The following SFRP1 variants were observed in gnomAD, a reference collection of about 807,000 sequenced individuals.
SFRP1 encodes secreted frizzled related protein 1, also known as secreted frizzled-related protein 1.
In SFRP1, 9 loss-of-function variants were observed where a neutral mutation model predicts 25.9. The observed-to-expected ratio is 0.35, with a 90% CI of 0.21 to 0.61. The LOEUF (loss-of-function observed/expected upper bound fraction) is 0.61, where lower values mean the gene tolerates loss of function less well. Ranked by LOEUF, SFRP1 falls within the 20% of genes least tolerant of loss-of-function variation. The pLI is 0.78. For synonymous variants in SFRP1, 178 were observed against 174.0 expected, an observed-to-expected ratio of 1.02 and a Z score of -0.18; for missense variants, 346 against 418.2, an observed-to-expected ratio of 0.83 and a Z score of 1.51.
At chr8:41,297,637 T>G (rs750208722) in intron 2 of SFRP1, among the ~76,000 whole-genome samples, 15 of 152,072 alleles carry the variant, frequency 9.9e-5, no homozygotes, top group Non-Finnish European at 1.5e-4. Context: ...ACGTAGGAAT[T>G]CTCATCCATA....
In SFRP1 at chr8:41,264,822, C is replaced by T. The variant is rs563858383; in HGVS notation, c.*345G>A. 2.2e-5 allele frequency: 5 copies of T among 232,332 alleles called. No homozygotes were observed. In the Admixed American group the frequency reaches 2.6e-4, roughly 12 times the overall value. 14.4% of individuals were successfully genotyped at this position (232,332 alleles called of 1,614,324 possible). On this transcript the variant is annotated 3_prime_UTR_variant, in exon 3 of 3. Coordinates refer to ENST00000220772, the MANE Select transcript of SFRP1 (RefSeq NM_003012.5). Reference sequence around the variant, plus strand: ...TGCAAAATGTAGTTTTTGCTGCTGGCTCTCACTTTCCGCCCAATCCCCCTT... The same window carrying T: ...TGCAAAATGTAGTTTTTGCTGCTGGTTCTCACTTTCCGCCCAATCCCCCTT...
chr8:41,283,027 C>T (rs567633740), intron 2 of SFRP1, among the ~76,000 whole-genome samples: 7 of 152,308 alleles, frequency 4.6e-5, no homozygotes, highest in African/African-American at 7.2e-5. Flanking sequence ...AAGATTCCAA[C>T]GTATCTCACA....
chr8:41,306,588 TG>T, intron 1 of SFRP1: 1 of 1,028,830 alleles, frequency 9.7e-7, no homozygotes, highest in Non-Finnish European at 1.4e-6. Context: ...CTGGGGAGGG[TG>T]GTGTGCCATC....
At chr8:41,296,804 A>G (rs988836973) in intron 2 of SFRP1, among the ~76,000 whole-genome samples, 19 of 152,148 alleles carry the variant, frequency 1.2e-4, no homozygotes, top group Non-Finnish European at 2.9e-5. Context: ...AGTGTTTCTA[A>G]AAAACACACA....
intron 2 of SFRP1, among the ~76,000 whole-genome samples, chr8:41,266,097 C>T (rs1050927138): frequency 3.0e-4 from 46 of 151,770 alleles, no homozygotes; most frequent in East Asian, 3.9e-4. Context: ...ACCTGGGAGG[C>T]GGAGGTTGCA....
chr8:41,265,112 T>TCCCCCCCCCACCCCC lies in SFRP1; in HGVS notation c.*54_*55insGGGGGTGGGGGGGGG. ...GACCCACCGGGTTCCCGGGGCACTG[T>TCCCCCCCCCACCCCC]CCCCCCCGCTCCCACCCCACCCGAG... On this transcript the variant is annotated 3_prime_UTR_variant, in exon 3 of 3. Transcript: ENST00000220772. The TCCCCCCCCCACCCCC allele has an allele frequency of 1.9e-6, 1 of 517,774 alleles. No homozygotes were observed. The highest frequency in any genetic ancestry group is 3.6e-6 in the Non-Finnish European group (1 of 279,106). The allele number at this position is 517,774 out of a possible 1,614,324, so 32.1% of individuals were successfully genotyped here.
chr8:41,286,113 G>A (rs1286898031), intron 2 of SFRP1, among the ~76,000 whole-genome samples: 2 of 152,038 alleles, frequency 1.3e-5, no homozygotes, highest in East Asian at 1.9e-4. Flanking sequence ...AAAGAGCGTC[G>A]GGAATGGGGG....
At chr8:41,307,311 G>A (rs1234259894) in intron 1 of SFRP1, among the ~76,000 whole-genome samples, 4 of 152,166 alleles carry the variant, frequency 2.6e-5, no homozygotes, top group African/African-American at 7.2e-5. Flanking sequence ...TTCCCATCCA[G>A]CCATCCAACG....
chr8:41,281,254 CCCACCTCACCAGCCT>C (rs1803632062), intron 2 of SFRP1, among the ~76,000 whole-genome samples: 1 of 152,228 alleles, frequency 6.6e-6, no homozygotes, highest in Non-Finnish European at 1.5e-5. Context: ...TGATCACAGC[CCCACCTCACCAGCCT>C]TCACCAGCAA....
chr8:41,306,728 G>T (rs560270265), intron 1 of SFRP1: 1 of 1,597,876 alleles, frequency 6.3e-7, no homozygotes, highest in Non-Finnish European at 8.5e-7. Flanking sequence ...CTACCTGAGC[G>T]CTGCTGGGAG....
At chr8:41,296,591 A>G (rs1423202334) in intron 2 of SFRP1, among the ~76,000 whole-genome samples, 1 of 152,066 alleles carries the variant, frequency 6.6e-6, no homozygotes, top group Non-Finnish European at 1.5e-5. Flanking sequence ...GCTCATTCGC[A>G]TTATAATGCA....
At chr8:41,289,377 C>T (rs1803748214) in intron 2 of SFRP1, among the ~76,000 whole-genome samples, 1 of 152,208 alleles carries the variant, frequency 6.6e-6, no homozygotes, top group Admixed American at 6.5e-5. Context: ...AATTAGATGC[C>T]AGGACTCCAG....
intron 1 of SFRP1, among the ~76,000 whole-genome samples, chr8:41,304,828 G>A (rs1325082813): frequency 6.6e-6 from 1 of 152,058 alleles, no homozygotes; most frequent in Non-Finnish European, 1.5e-5. Flanking sequence ...GCCCAGCAGA[G>A]ACCCCATCCT....
intron 2 of SFRP1, among the ~76,000 whole-genome samples, chr8:41,285,252 C>A (rs971617986): frequency 6.6e-6 from 1 of 152,062 alleles, no homozygotes; most frequent in African/African-American, 2.4e-5. Context: ...GCCCCTCAGC[C>A]GTCAGCATCT....
At position 41,292,940 on chromosome 8, in the gene SFRP1, T is replaced by C. The variant is rs183045358; in HGVS notation, c.622+10521A>G. Among the ~76,000 whole-genome samples the C allele has an allele frequency of 6.4e-4, 97 of 152,334 alleles. 1 individual carries two copies. Among genetic ancestry groups the C allele is most frequent in the Non-Finnish European group, 1.2e-3 (84 of 68,028 alleles). ...ACTGTGCAGACATCTCAGCTCTTAGTGCCTCTACATCTCAGAACAAAGGTC... is the reference window on the plus strand; with the variant it reads ...ACTGTGCAGACATCTCAGCTCTTAGCGCCTCTACATCTCAGAACAAAGGTC... On this transcript the variant is annotated intron_variant, in intron 2 of 2. Coordinates refer to ENST00000220772, the MANE Select transcript of SFRP1 (RefSeq NM_003012.5).
At chr8:41,268,810 A>G (rs374533050) in intron 2 of SFRP1, among the ~76,000 whole-genome samples, 52 of 152,306 alleles carry the variant, frequency 3.4e-4, no homozygotes, top group African/African-American at 1.2e-3. Context: ...CTGGCCCAAG[A>G]GCAGCCCGGA....
intron 1 of SFRP1, among the ~76,000 whole-genome samples, chr8:41,305,649 T>C (rs974526793): frequency 2.6e-5 from 4 of 152,222 alleles, no homozygotes; most frequent in Non-Finnish European, 2.9e-5. Context: ...CTGTTTTCAG[T>C]TGTATTTAAA....
chr8:41,269,400 G>A (rs944785964), intron 2 of SFRP1, among the ~76,000 whole-genome samples: 3 of 152,064 alleles, frequency 2.0e-5, no homozygotes, highest in Non-Finnish European at 4.4e-5. Context: ...TGCAACAAGG[G>A]CCTGCCTGGG....
At chr8:41,293,466 A>C (rs1803802806) in intron 2 of SFRP1, among the ~76,000 whole-genome samples, 1 of 152,208 alleles carries the variant, frequency 6.6e-6, no homozygotes, top group African/African-American at 2.4e-5. Flanking sequence ...GGTTTCGTCA[A>C]TTGAAGAATT....
Sources: allele counts gnomAD v4.1 joint callset (sites outside exome capture counted in the v4.1 genomes callset), GRCh38; gene constraint gnomAD v4.1.1; transcripts MANE v1.5; gene names NCBI Gene and HGNC (gene_info 2026-07-23, HGNC 2026-07-21).